LRRC4C: variants seen among roughly 807,000 people sequenced by gnomAD.
The protein encoded by LRRC4C is leucine rich repeat containing 4C.
Under a neutral mutation model 33.6 loss-of-function variants are expected in LRRC4C, and 5 were observed. That is an observed-to-expected ratio of 0.15 (90% CI 0.08 to 0.31). The LOEUF (loss-of-function observed/expected upper bound fraction) is 0.31. Among genes scored for constraint, LRRC4C ranks in the 10% least tolerant of loss-of-function variants. The pLI is 1.00. For missense variants in LRRC4C, 560 were observed against 796.7 expected, an observed-to-expected ratio of 0.70 and a Z score of 3.58; for synonymous variants, 329 against 302.0, an observed-to-expected ratio of 1.09 and a Z score of -0.93.
chr11:40,513,477 G>A (rs1285137399), intron 3 of LRRC4C, among the ~76,000 whole-genome samples: 2 of 152,068 alleles, frequency 1.3e-5, no homozygotes, highest in African/African-American at 4.8e-5. Context: ...GCAAACCACA[G>A]ACTAGCAAAG....
chr11:41,027,878 T>G (rs1390965610), intron 1 of LRRC4C, among the ~76,000 whole-genome samples: 3 of 151,714 alleles, frequency 2.0e-5, no homozygotes, highest in Non-Finnish European at 4.4e-5. Flanking sequence ...CATGTTGCTA[T>G]CTCATTCAAG....
intron 3 of LRRC4C, among the ~76,000 whole-genome samples, chr11:40,547,517 T>C (rs922351815): frequency 8.5e-5 from 13 of 152,076 alleles, no homozygotes; most frequent in Non-Finnish European, 1.8e-4. Flanking sequence ...TGGTGCCTGG[T>C]ACCCTAAATT....
chr11:40,256,824 T>C (rs1258855162), intron 4 of LRRC4C, among the ~76,000 whole-genome samples: 2 of 152,186 alleles, frequency 1.3e-5, no homozygotes, highest in African/African-American at 2.4e-5. Context: ...CTAGGTACTC[T>C]GGCAGAAGGC....
chr11:41,061,015 C>A (rs1937724821), intron 1 of LRRC4C, among the ~76,000 whole-genome samples: 1 of 151,980 alleles, frequency 6.6e-6, no homozygotes, highest in Admixed American at 6.6e-5. Flanking sequence ...GGTGCATTTC[C>A]TTCCAAATCA....
chr11:40,478,791 T>G (rs1953386400), intron 3 of LRRC4C, among the ~76,000 whole-genome samples: 1 of 152,188 alleles, frequency 6.6e-6, no homozygotes, highest in Admixed American at 6.5e-5. Flanking sequence ...TTTCTGTTTC[T>G]TCTTCCTCCT....
At chr11:41,018,304 C>G (rs776094669) in intron 1 of LRRC4C, among the ~76,000 whole-genome samples, 25 of 152,088 alleles carry the variant, frequency 1.6e-4, no homozygotes, top group Non-Finnish European at 3.1e-4. Context: ...GTCAATTAAA[C>G]ACTTCTAGAT....
chr11:41,034,620 T>A (rs1002653085), intron 1 of LRRC4C, among the ~76,000 whole-genome samples: 1 of 143,110 alleles, frequency 7.0e-6, no homozygotes, highest in African/African-American at 2.6e-5. Context: ...TATATATATA[T>A]ATATATATAT....
At position 41,089,497 on chromosome 11, in the gene LRRC4C, C is replaced by T. The variant is rs745536943; in HGVS notation, c.-495-155774G>A. On this transcript the variant is annotated intron_variant, in intron 1 of 6. Transcript: ENST00000528697. ...ATTAACTGAGGAATTGACCATTAAT[C>T]CCAGGTAATGTAAAGGCCAGTTTTC... is the stretch of plus-strand genomic sequence containing the variant. Among the ~76,000 whole-genome samples the T allele has an allele frequency of 3.4e-4, 51 of 151,900 alleles. 1 individual carries two copies. Among genetic ancestry groups the T allele is most frequent in the Admixed American group, 5.9e-4 (9 of 15,234 alleles).
intron 4 of LRRC4C, among the ~76,000 whole-genome samples, chr11:40,302,618 A>T (rs1234812821): frequency 6.6e-6 from 1 of 152,182 alleles, no homozygotes; most frequent in African/African-American, 2.4e-5. Context: ...AAATACAATA[A>T]TTTGTACATA....
At chr11:41,388,212 G>A (rs1324754795) in intron 1 of LRRC4C, among the ~76,000 whole-genome samples, 1 of 151,758 alleles carries the variant, frequency 6.6e-6, no homozygotes, top group Admixed American at 6.6e-5. Flanking sequence ...ATAATATACA[G>A]AGAAATAGAA....
intron 6 of LRRC4C, among the ~76,000 whole-genome samples, chr11:40,128,074 C>CCGCT (rs5791358): frequency 6.6e-6 from 1 of 151,908 alleles, no homozygotes; most frequent in African/African-American, 2.4e-5. Context: ...TAAAATGCCC[C>CCGCT]GGAGGGTTGG....
intron 2 of LRRC4C, among the ~76,000 whole-genome samples, chr11:40,829,802 G>T (rs1450624264): frequency 6.6e-6 from 1 of 151,980 alleles, no homozygotes; most frequent in Non-Finnish European, 1.5e-5. Context: ...TGCTGGAGCT[G>T]TAAAACTAAA....
chr11:40,590,846 C>T (rs1053174282), intron 3 of LRRC4C, among the ~76,000 whole-genome samples: 1 of 152,270 alleles, frequency 6.6e-6, no homozygotes, highest in Non-Finnish European at 1.5e-5. Flanking sequence ...CTCAGATCTC[C>T]AGCTGTGTGC....
intron 3 of LRRC4C, among the ~76,000 whole-genome samples, chr11:40,574,242 CA>C (rs1388475090): frequency 6.6e-6 from 1 of 152,054 alleles, no homozygotes; most frequent in Non-Finnish European, 1.5e-5. Flanking sequence ...TGGAGTTAAC[CA>C]GACAGCAGAC....
intron 2 of LRRC4C, among the ~76,000 whole-genome samples, chr11:40,740,019 C>T (rs928050716): frequency 6.6e-6 from 1 of 151,426 alleles, no homozygotes; most frequent in African/African-American, 2.4e-5. Context: ...ATGGCATAAT[C>T]TTATATGTGT....
At chr11:41,161,979 C>T (rs902901312) in intron 1 of LRRC4C, among the ~76,000 whole-genome samples, 2 of 152,120 alleles carry the variant, frequency 1.3e-5, no homozygotes, top group African/African-American at 4.8e-5. Flanking sequence ...TTTTTACCCA[C>T]TCTTAATATT....
At position 40,401,820 on chromosome 11, in the gene LRRC4C, C is replaced by G. The variant is rs562868805; in HGVS notation, c.-269-82099G>C. ...CACAATCTGATACTTCATTAGGAACCAAAGTCAAAACCATTTTGCTTTTCT... is the reference window on the plus strand; with the variant it reads ...CACAATCTGATACTTCATTAGGAACGAAAGTCAAAACCATTTTGCTTTTCT... On this transcript the variant is annotated intron_variant, in intron 3 of 6. Transcript: ENST00000528697. Among the ~76,000 whole-genome samples the G allele has an allele frequency of 7.3e-4, 111 of 152,120 alleles. 1 individual carries two copies. Among genetic ancestry groups the G allele is most frequent in the African/African-American group, 2.5e-3 (104 of 41,536 alleles).
intron 4 of LRRC4C, among the ~76,000 whole-genome samples, chr11:40,251,981 T>C (rs187553460): frequency 2.1e-4 from 32 of 152,324 alleles, no homozygotes; most frequent in African/African-American, 5.8e-4. Context: ...TCTCTGAGTG[T>C]CAATGAATTA....
intron 2 of LRRC4C, among the ~76,000 whole-genome samples, chr11:40,664,439 G>A (rs951510347): frequency 6.6e-6 from 1 of 152,040 alleles, no homozygotes; most frequent in African/African-American, 2.4e-5. Flanking sequence ...CAGCTACTTG[G>A]GAGGATGAGG....
Sources: allele counts gnomAD v4.1 joint callset (sites outside exome capture counted in the v4.1 genomes callset), GRCh38; gene constraint gnomAD v4.1.1; transcripts MANE v1.5; gene names NCBI Gene and HGNC (gene_info 2026-07-23, HGNC 2026-07-21).